The following PCNT variants were observed in gnomAD, a reference collection of about 807,000 sequenced individuals.
The protein encoded by PCNT is kendrin.
A neutral mutation model predicts 380.4 loss-of-function variants in PCNT; 319 were observed. The ratio of observed to expected loss-of-function variants is 0.84; its 90% CI spans 0.77 to 0.92. PCNT has a LOEUF of 0.92. Ranked by LOEUF, PCNT falls within the 40% of genes least tolerant of loss-of-function variation. The pLI is 0.00. For synonymous variants in PCNT, 1,845 were observed against 1,735.2 expected (o/e 1.06, Z -1.57); for missense variants, 4,400 against 4,255.3 (o/e 1.03, Z -0.95).
chr21:46,437,147 T>C lies in PCNT; in HGVS notation c.9099+66T>C. The C allele has an allele frequency of 2.9e-6, 3 of 1,031,392 alleles. No individual in the cohort carries two copies. The South Asian group carries it at 3.9e-5, about 13-fold the overall frequency. 63.9% of individuals were successfully genotyped at this position (1,031,392 alleles called of 1,614,324 possible). A position where few individuals can be genotyped will look rare whatever the true frequency, so the allele number is the denominator to read the frequency against. ...CCCCAGAGGGGCCCTCTCGGCAGCT[T>C]TGTGGTTCTTTTTCACGCTTCCCCA... On this transcript the variant is annotated intron_variant, in intron 40 of 46. Transcript: ENST00000359568.
In PCNT at chr21:46,418,832, G is replaced by A. The variant is rs559595985; in HGVS notation, c.7024+526G>A. On this transcript the variant is annotated intron_variant, in intron 31 of 46. Coordinates refer to ENST00000359568, the MANE Select transcript of PCNT (RefSeq NM_006031.6). Reference sequence around the variant, plus strand: ...GGGCCGCTGACTGTGGCGTGTCCTCGCGATGGTGCGTGGGGGGCTGCGTCT... The same window carrying A: ...GGGCCGCTGACTGTGGCGTGTCCTCACGATGGTGCGTGGGGGGCTGCGTCT... 1.0e-3 allele frequency among the ~76,000 whole-genome samples: 157 copies of A among 152,346 alleles called. 1 individual carries two copies. The highest frequency in any genetic ancestry group is 3.5e-3 in the African/African-American group (145 of 41,578).
At chr21:46,357,227 C>T (rs377719302) in intron 13 of PCNT, 36 bp downstream of exon 13, 69 of 1,403,036 alleles carry the variant, frequency 4.9e-5, no homozygotes, top group Admixed American at 2.0e-4. Context: ...GCCTCCCGCC[C>T]GAGTCCTTGC....
At position 46,444,836 on chromosome 21, in the gene PCNT, C is replaced by T. The variant is rs745810921; in HGVS notation, c.9967+15C>T. On this transcript the variant is annotated intron_variant, in intron 46 of 46. Transcript: ENST00000359568. Reference sequence around the variant, plus strand: ...GGTACTACCAGGTAATGCAAGTCCTCGCCGAGTATTTATTAAGCTGATTAT... The same window carrying T: ...GGTACTACCAGGTAATGCAAGTCCTTGCCGAGTATTTATTAAGCTGATTAT... 18 of 1,611,534 alleles carry T rather than the reference C, an allele frequency of 1.1e-5. No individual in the cohort carries two copies. The highest frequency in any genetic ancestry group is 1.6e-4 in the Middle Eastern group (1 of 6,076).
intron 13 of PCNT, among the ~76,000 whole-genome samples, chr21:46,362,958 T>C (rs1482341286): frequency 6.6e-6 from 1 of 152,182 alleles, no homozygotes; most frequent in African/African-American, 2.4e-5. Flanking sequence ...TTGCAGTTCA[T>C]CCACCCCTTG....
chr21:46,408,048 A>G (rs1056454955), intron 27 of PCNT, among the ~76,000 whole-genome samples: 1 of 152,138 alleles, frequency 6.6e-6, no homozygotes, highest in East Asian at 1.9e-4. Context: ...TTTTTTTAGT[A>G]TACAGTTTTA....
intron 8 of PCNT, among the ~76,000 whole-genome samples, chr21:46,350,970 C>T (rs1372627864): frequency 1.3e-5 from 2 of 152,212 alleles, no homozygotes; most frequent in South Asian, 2.1e-4. Flanking sequence ...TTTAGTGTCA[C>T]GGTGTAAGAG....
chr21:46,365,408 ATCACTGCCGTGGGGTTCTAT>A (rs1569204517), intron 14 of PCNT, among the ~76,000 whole-genome samples: 2 of 21,582 alleles, frequency 9.3e-5, no homozygotes, highest in East Asian at 1.1e-3. Context: ...TGGGGTTCTG[ATCACTGCCGTGGGGTTCTAT>A]TCACTGCCGT....
chr21:46,443,763 T>C (rs2053673703), intron 44 of PCNT, 47 bp from the exon 45 acceptor site: 2 of 1,599,228 alleles, frequency 1.3e-6, no homozygotes, highest in Non-Finnish European at 1.7e-6. Context: ...CTAAAATGCA[T>C]TCATTTATTT....
intron 43 of PCNT, 79 bp from the exon 44 acceptor site, chr21:46,442,418 G>T: frequency 1.1e-6 from 1 of 880,056 alleles, no homozygotes. Context: ...TGCTTGTTTG[G>T]TCACAGTGGG....
chr21:46,349,314 A>C lies in PCNT; in HGVS notation c.1207+128A>C. 1.2e-5 allele frequency: 10 copies of C among 847,082 alleles called. 1 individual carries two copies. Among genetic ancestry groups the C allele is most frequent in the African/African-American group, 1.7e-5 (1 of 59,632 alleles). The allele number at this position is 847,082 out of a possible 1,614,324, so 52.5% of individuals were successfully genotyped here. On this transcript the variant is annotated intron_variant, in intron 7 of 46. Transcript: ENST00000359568. The stretch of plus-strand genomic sequence containing the variant: ...TACCTTCTAAATGCTGGATGGCCCC[A>C]TGCACGTGTGACACGCTGGTGGCCG...
At chr21:46,327,053 CTTT>C (rs1419816774) in intron 2 of PCNT, among the ~76,000 whole-genome samples, 2 of 149,234 alleles carry the variant, frequency 1.3e-5, no homozygotes, top group Admixed American at 1.3e-4. Context: ...TGGTTTTATT[CTTT>C]TTATTTTATT....
chr21:46,390,060 C>T (rs1311634616), intron 19 of PCNT, among the ~76,000 whole-genome samples: 1 of 152,268 alleles, frequency 6.6e-6, no homozygotes. Context: ...AGCAACCCAT[C>T]CGGAGGGTCT....
intron 16 of PCNT, among the ~76,000 whole-genome samples, chr21:46,382,312 G>T (rs1416571242): frequency 6.8e-6 from 1 of 148,060 alleles, no homozygotes; most frequent in African/African-American, 2.5e-5. Flanking sequence ...TTCAGTGGTG[G>T]AAGCGCATTC....
Position 46,443,944 on chromosome 21 carries a change from G to A in PCNT, c.9835G>A (p.Gly3279Arg), listed in dbSNP as rs1359675021. Residue 3279 changes from glycine (G) to arginine (R), a missense_variant, in exon 45 of 47, where the codon GGA becomes AGA. Coordinates refer to ENST00000359568, the MANE Select transcript of PCNT (RefSeq NM_006031.6). Reference protein sequence around the residue: ...LAAAASPHSGGRATPSPNSRL... With the variant: ...LAAAASPHSGRRATPSPNSRL... ...AGCAGCAGCCTCCCCACACAGTGGG[G>A]GAAGGTCAGTGTGATGCCTTCAGGC... 2.5e-6 allele frequency: 4 copies of A among 1,612,022 alleles called. No individual in the cohort carries two copies. The Admixed American group carries it at 6.7e-5, about 27-fold the overall frequency.
chr21:46,431,367 A>G, intron 37 of PCNT, 162 bp from the exon 38 acceptor site: 5 of 1,465,380 alleles, frequency 3.4e-6, no homozygotes, highest in Non-Finnish European at 4.5e-6. Flanking sequence ...TTGTTACTTG[A>G]TGAACTAACA....
chr21:46,411,581 T>C lies in PCNT; in HGVS notation c.5508T>C (p.Ala1836=). 1 of 1,612,900 alleles carries C rather than the reference T, an allele frequency of 6.2e-7. No individual in the cohort carries two copies. Residue 1836 remains alanine, a synonymous_variant, in exon 28 of 47, where the codon GCT becomes GCC. Coordinates refer to ENST00000359568, the MANE Select transcript of PCNT (RefSeq NM_006031.6). ...GAEEAAELQL[A]ELERNVALRE... is the part of the protein sequence containing the mutation. ...AGGAGGCTGCGGAGCTACAGCTGGC[T>C]GAGCTGGAGCGCAATGTAGCCCTCA...
At chr21:46,431,271 G>A (rs2087751583) in intron 37 of PCNT, 1 of 1,350,712 alleles carries the variant, frequency 7.4e-7, no homozygotes, top group Non-Finnish European at 9.5e-7. Context: ...ATCATTTTCT[G>A]GAGAGGGACA....
In PCNT at chr21:46,413,184, G is replaced by A. The variant is rs561680166; in HGVS notation, c.6150+192G>A. Among the ~76,000 whole-genome samples, 11 of 133,578 alleles carry A rather than the reference G, an allele frequency of 8.2e-5. 1 individual carries two copies. The highest frequency in any genetic ancestry group is 2.9e-4 in the Admixed American group (4 of 13,944). The allele number at this position is 133,578 out of a possible 152,430, so 87.6% of individuals were successfully genotyped here. A position where few individuals can be genotyped will look rare whatever the true frequency, so the allele number is the denominator to read the frequency against. On this transcript the variant is annotated intron_variant, in intron 29 of 46. Transcript: ENST00000359568. ...CACGCGGCAGCAAGGTGTGGGGAGCGGGGAAGGCACGAGGCCCACCCGGGA... is the reference window on the plus strand; with the variant it reads ...CACGCGGCAGCAAGGTGTGGGGAGCAGGGAAGGCACGAGGCCCACCCGGGA...
At chr21:46,428,236 C>T (rs2087592509) in intron 34 of PCNT, among the ~76,000 whole-genome samples, 159 bp from the exon 35 acceptor site, 1 of 152,192 alleles carries the variant, frequency 6.6e-6, no homozygotes, top group South Asian at 2.1e-4. Context: ...GCCCTGACGC[C>T]TGCAGGCCCC....
Sources: allele counts gnomAD v4.1 joint callset (sites outside exome capture counted in the v4.1 genomes callset), GRCh38; gene constraint gnomAD v4.1.1; transcripts MANE v1.5; gene names NCBI Gene and HGNC (gene_info 2026-07-23, HGNC 2026-07-21).